GRM7: variants seen among roughly 807,000 people sequenced by gnomAD.
GRM7 encodes metabotropic glutamate receptor 7.
GRM7 carries 35 observed loss-of-function variants against 84.5 expected under a neutral mutation model. The ratio of observed to expected loss-of-function variants is 0.41; its 90% CI spans 0.32 to 0.55. The LOEUF is 0.55. Among genes scored for constraint, GRM7 ranks in the 20% least tolerant of loss-of-function variants. The pLI, the probability that GRM7 is intolerant of heterozygous loss-of-function variation, is 0.19. For missense variants in GRM7, 1,003 were observed against 1,194.6 expected, an observed-to-expected ratio of 0.84 and a Z score of 2.36; for synonymous variants, 487 against 455.1, an observed-to-expected ratio of 1.07 and a Z score of -0.89.
intron 4 of GRM7, among the ~76,000 whole-genome samples, chr3:7,404,879 A>G (rs185349445): frequency 4.6e-5 from 7 of 152,246 alleles, no homozygotes; most frequent in Admixed American, 3.3e-4. Flanking sequence ...AATACACCCT[A>G]TTGGTCTTGG....
At chr3:7,363,578 C>T (rs1217078955) in intron 4 of GRM7, among the ~76,000 whole-genome samples, 1 of 151,920 alleles carries the variant, frequency 6.6e-6, no homozygotes, top group African/African-American at 2.4e-5. Context: ...AATGTATTCC[C>T]CAATATTTCA....
chr3:7,563,397 T>C (rs1250092101), intron 7 of GRM7, among the ~76,000 whole-genome samples: 1 of 152,160 alleles, frequency 6.6e-6, no homozygotes, highest in Non-Finnish European at 1.5e-5. Flanking sequence ...TCCATATTAC[T>C]TTTCAGCTCT....
chr3:7,588,639 A>G (rs1575528402), intron 8 of GRM7, among the ~76,000 whole-genome samples: 1 of 152,312 alleles, frequency 6.6e-6, no homozygotes, highest in South Asian at 2.1e-4. Context: ...AGCAAGGTAT[A>G]CTGTGGCAAG....
chr3:7,623,796 A>G (rs1351646753), intron 8 of GRM7, among the ~76,000 whole-genome samples: 1 of 152,192 alleles, frequency 6.6e-6, no homozygotes. Flanking sequence ...ATAAAATAAC[A>G]TACATAATCC....
At chr3:6,899,599 T>A (rs1696314074) in intron 1 of GRM7, among the ~76,000 whole-genome samples, 1 of 152,140 alleles carries the variant, frequency 6.6e-6, no homozygotes, top group Non-Finnish European at 1.5e-5. Flanking sequence ...TCGTAAAAGG[T>A]CAAGTTACTC....
intron 2 of GRM7, among the ~76,000 whole-genome samples, chr3:7,268,891 G>A (rs1698745550): frequency 6.6e-6 from 1 of 152,156 alleles, no homozygotes; most frequent in Admixed American, 6.5e-5. Context: ...ACCGAGTCCA[G>A]GAGCTCAGTC....
At chr3:7,395,889 A>G (rs1273258322) in intron 4 of GRM7, among the ~76,000 whole-genome samples, 1 of 152,162 alleles carries the variant, frequency 6.6e-6, no homozygotes, top group African/African-American at 2.4e-5. Flanking sequence ...TTCAGTTTCA[A>G]ATATCTAGGA....
intron 1 of GRM7, among the ~76,000 whole-genome samples, chr3:7,089,002 C>G (rs529103494): frequency 2.5e-4 from 38 of 152,168 alleles, no homozygotes; most frequent in Admixed American, 2.4e-3. Flanking sequence ...CCAGTTTCTT[C>G]CAACCAAAAG....
chr3:6,942,143 CT>C (rs139162438), intron 1 of GRM7, among the ~76,000 whole-genome samples: 119 of 149,004 alleles, frequency 8.0e-4, no homozygotes, highest in African/African-American at 2.4e-3. Context: ...ATTTTCAGCT[CT>C]TTTTTTTTTA....
chr3:7,260,697 G>GTGTGTGTGTGTGTA (rs1220313856), intron 2 of GRM7, among the ~76,000 whole-genome samples: 5 of 151,794 alleles, frequency 3.3e-5, no homozygotes, highest in Admixed American at 2.6e-4. Context: ...GTGTGTGTGT[G>GTGTGTGTGTGTGTA]TGTGTGTGTC....
intron 7 of GRM7, among the ~76,000 whole-genome samples, chr3:7,528,845 G>T (rs955851758): frequency 1.1e-4 from 16 of 151,906 alleles, no homozygotes; most frequent in Admixed American, 9.2e-4. Context: ...TTTTGGTATT[G>T]ATTTCTATTT....
In GRM7 at chr3:6,863,117, T is replaced by TC; in HGVS notation, c.519+1212dup. The TC allele has an allele frequency of 2.8e-6, 1 of 352,550 alleles. No homozygotes were observed. Among genetic ancestry groups the TC allele is most frequent in the Non-Finnish European group, 5.6e-6 (1 of 179,134 alleles). The allele number at this position is 352,550 out of a possible 1,614,324, so 21.8% of individuals were successfully genotyped here. On this transcript the variant is annotated intron_variant, in intron 1 of 9. Coordinates refer to ENST00000357716, the MANE Select transcript of GRM7 (RefSeq NM_000844.4). The surrounding 1 kb of genome is among the most constrained non-coding windows in gnomAD (Gnocchi z 4.8). ...ATCACTCTCTCTTTCTGTCTCTGTC[T>TC]CCTTGCTGTTTTTTTTTTCTCTCTG...
At chr3:7,185,678 A>G (rs151021952) in intron 2 of GRM7, among the ~76,000 whole-genome samples, 2 of 152,278 alleles carry the variant, frequency 1.3e-5, no homozygotes, top group Non-Finnish European at 2.9e-5. Flanking sequence ...GAGATCCTGT[A>G]AGTGATGCAG....
At chr3:7,625,040 C>T (rs1296627852) in intron 8 of GRM7, among the ~76,000 whole-genome samples, 3 of 152,102 alleles carry the variant, frequency 2.0e-5, no homozygotes, top group South Asian at 2.1e-4. Flanking sequence ...TCTCAGCAGC[C>T]GCGTTGGTAT....
chr3:6,922,896 A>G (rs1697172046), intron 1 of GRM7, among the ~76,000 whole-genome samples: 1 of 152,244 alleles, frequency 6.6e-6, no homozygotes, highest in East Asian at 1.9e-4. Context: ...AGAATGTTGA[A>G]TAAGTGAAGA....
chr3:7,480,019 A>AGT (rs1417011231), intron 7 of GRM7, among the ~76,000 whole-genome samples: 24 of 152,284 alleles, frequency 1.6e-4, no homozygotes, highest in African/African-American at 5.5e-4. Flanking sequence ...TGGATACCGC[A>AGT]CTTGTCAGAC....
At chr3:7,736,272 G>A (rs2106530640) in intron 9 of GRM7, among the ~76,000 whole-genome samples, 1 of 152,186 alleles carries the variant, frequency 6.6e-6, no homozygotes, top group African/African-American at 2.4e-5. Context: ...TCTTTTGTCA[G>A]TTAAATACAT....
intron 2 of GRM7, among the ~76,000 whole-genome samples, chr3:7,191,412 G>A (rs1695708629): frequency 6.6e-6 from 1 of 151,742 alleles, no homozygotes; most frequent in African/African-American, 2.4e-5. Flanking sequence ...TCCCACCCCT[G>A]GGTGTTTATG....
At position 7,074,191 on chromosome 3, in the gene GRM7, G is replaced by C. The variant is rs141869662; in HGVS notation, c.520-72261G>C. Among the ~76,000 whole-genome samples, 22 of 152,276 alleles carry C rather than the reference G, an allele frequency of 1.4e-4. No individual in the cohort carries two copies. In the East Asian group the frequency reaches 4.1e-3, roughly 28 times the overall value. On this transcript the variant is annotated intron_variant, in intron 1 of 9. Transcript: ENST00000357716. ...CTCACTCAGTCCTCAAAATAACACT[G>C]TGGAGTTGGTCCTGTCATTATTCCA...
Sources: allele counts gnomAD v4.1 joint callset (sites outside exome capture counted in the v4.1 genomes callset), GRCh38; gene constraint gnomAD v4.1.1; non-coding constraint Gnocchi (gnomAD v3.1); transcripts MANE v1.5; gene names NCBI Gene and HGNC (gene_info 2026-07-23, HGNC 2026-07-21).